The following RGS6 variants were observed in gnomAD, a reference collection of about 807,000 sequenced individuals.
The protein encoded by RGS6 is regulator of G-protein signaling 6.
In RGS6, 30 loss-of-function variants were observed where a neutral mutation model predicts 78.5. The ratio of observed to expected loss-of-function variants is 0.38; its 90% confidence interval spans 0.29 to 0.52. The LOEUF (loss-of-function observed/expected upper bound fraction) is 0.52, where lower values mean the gene tolerates loss of function less well. Among genes scored for constraint, RGS6 ranks in the 20% least tolerant of loss-of-function variants. The pLI is 0.85. For missense variants in RGS6, 495 were observed against 609.7 expected (o/e 0.81, Z 1.98); for synonymous variants, 206 against 206.0 (o/e 1.00, Z 0.00).
At chr14:72,517,237 C>T (rs115091615) in intron 14 of RGS6, among the ~76,000 whole-genome samples, 2,971 of 152,222 alleles carry the variant, frequency 0.02, 43 homozygotes, top group Middle Eastern at 0.058. Context: ...GTTTCAGCTT[C>T]GCTTGTCCCT....
chr14:72,383,079 A>G (rs944419738), intron 3 of RGS6, among the ~76,000 whole-genome samples: 5 of 150,730 alleles, frequency 3.3e-5, no homozygotes, highest in Admixed American at 2.7e-4. Flanking sequence ...TTATACTTTT[A>G]CATATATGCT....
chr14:72,460,436 C>A (rs527841052), intron 6 of RGS6, among the ~76,000 whole-genome samples: 1 of 152,340 alleles, frequency 6.6e-6, no homozygotes, highest in East Asian at 1.9e-4. Context: ...TATGCATTCT[C>A]ATATCTCCAG....
chr14:72,132,749 A>G (rs1373108133), intron 2 of RGS6, among the ~76,000 whole-genome samples: 1 of 151,536 alleles, frequency 6.6e-6, no homozygotes, highest in East Asian at 1.9e-4. Context: ...CACCTGGTCA[A>G]AAGTTTGGAA....
At chr14:72,394,609 C>A (rs1337008820) in intron 3 of RGS6, among the ~76,000 whole-genome samples, 4 of 152,190 alleles carry the variant, frequency 2.6e-5, no homozygotes, top group African/African-American at 9.7e-5. Flanking sequence ...TGGCTCTGTT[C>A]CGCCTGGCTC....
chr14:72,041,945 T>G (rs10144699), intron 2 of RGS6, among the ~76,000 whole-genome samples: 6,516 of 152,222 alleles, frequency 0.043, 460 homozygotes, highest in African/African-American at 0.15. Context: ...TATCTGTTTC[T>G]ATCACTAATG....
Position 72,283,492 on chromosome 14 carries a change from T to C in RGS6, c.85-68603T>C, listed in dbSNP as rs1595276167. Among the ~76,000 whole-genome samples, 5 of 152,274 alleles carry C rather than the reference T, an allele frequency of 3.3e-5. No individual in the cohort carries two copies. In the South Asian group the frequency reaches 1.0e-3, roughly 32 times the overall value. On this transcript the variant is annotated intron_variant, in intron 2 of 17. Coordinates refer to ENST00000553525, the MANE Select transcript of RGS6 (RefSeq NM_001204424.2). ...TACTGTTCTCATGGTAGTGAATAAA[T>C]ATCATGAGATCTGATAGTTTTATAA... is the stretch of plus-strand genomic sequence containing the variant.
intron 12 of RGS6, among the ~76,000 whole-genome samples, chr14:72,493,780 C>A (rs1381883087): frequency 1.3e-5 from 2 of 149,628 alleles, no homozygotes; most frequent in Non-Finnish European, 3.0e-5. Flanking sequence ...AAAAAAAAAA[C>A]ATGGAGTGAT....
intron 2 of RGS6, among the ~76,000 whole-genome samples, chr14:72,008,315 T>C (rs529555289): frequency 6.6e-6 from 1 of 152,310 alleles, no homozygotes; most frequent in Admixed American, 6.5e-5. Context: ...TGTCAGAGAC[T>C]ACACCCAAGA....
chr14:72,338,176 T>A (rs566318447), intron 2 of RGS6, among the ~76,000 whole-genome samples: 1 of 152,296 alleles, frequency 6.6e-6, no homozygotes, highest in East Asian at 1.9e-4. Context: ...AAGATAAGGC[T>A]GCTCTGAGAA....
chr14:72,579,705 G>T, the RGS6 span, among the ~76,000 whole-genome samples: 1 of 152,196 alleles, frequency 6.6e-6, no homozygotes, highest in African/African-American at 2.4e-5. Flanking sequence ...GGACAGCAAA[G>T]GGTGTTGGCC....
At chr14:72,238,358 C>CT (rs1438189751) in intron 2 of RGS6, among the ~76,000 whole-genome samples, 1 of 152,110 alleles carries the variant, frequency 6.6e-6, no homozygotes, top group African/African-American at 2.4e-5. Flanking sequence ...GGTTTCCAGG[C>CT]TTGAGGGTGG....
chr14:72,258,480 A>G (rs1170923122), intron 2 of RGS6, among the ~76,000 whole-genome samples: 5 of 152,314 alleles, frequency 3.3e-5, no homozygotes, highest in African/African-American at 9.6e-5. Flanking sequence ...CCCCTTTACA[A>G]TGCTGTGACT....
intron 2 of RGS6, among the ~76,000 whole-genome samples, chr14:72,212,659 G>T (rs1233926754): frequency 1.3e-5 from 2 of 152,122 alleles, no homozygotes; most frequent in Non-Finnish European, 2.9e-5. Context: ...GTATGTGTTT[G>T]TCACTATTAT....
intron 2 of RGS6, among the ~76,000 whole-genome samples, chr14:72,112,676 C>G (rs574216502): frequency 6.6e-6 from 1 of 152,296 alleles, no homozygotes; most frequent in East Asian, 1.9e-4. Context: ...TGAGGAATGT[C>G]ATCACCATTT....
the RGS6 span, among the ~76,000 whole-genome samples, chr14:71,927,122 G>A: frequency 3.3e-5 from 5 of 152,272 alleles, no homozygotes; most frequent in Admixed American, 6.5e-5. Context: ...AAAGAAGCTC[G>A]GTCCAAACAA....
chr14:72,157,915 C>T (rs1424006178), intron 2 of RGS6, among the ~76,000 whole-genome samples: 1 of 151,942 alleles, frequency 6.6e-6, no homozygotes, highest in African/African-American at 2.4e-5. Context: ...CATAGGTATA[C>T]ATGTGCCATG....
At chr14:72,473,480 G>T (rs1014677704) in intron 9 of RGS6, among the ~76,000 whole-genome samples, 1 of 152,136 alleles carries the variant, frequency 6.6e-6, no homozygotes, top group Non-Finnish European at 1.5e-5. Flanking sequence ...TGAAAATATG[G>T]AATTGCAAAT....
intron 2 of RGS6, among the ~76,000 whole-genome samples, chr14:72,093,259 C>T (rs1185245722): frequency 1.3e-5 from 2 of 151,948 alleles, no homozygotes; most frequent in East Asian, 1.9e-4. Flanking sequence ...TTTATTTTAT[C>T]GAGACAGGAT....
intron 2 of RGS6, among the ~76,000 whole-genome samples, chr14:72,323,800 CAAAAAAAAAAAAAAAAAAAAAA>C (rs58303649): frequency 4.2e-3 from 70 of 16,820 alleles, no homozygotes; most frequent in Middle Eastern, 0.083. Flanking sequence ...GACTCCATCT[CAAAAAAAAAAAAAAAAAAAAAA>C]AAAAAAAAAA....
Sources: gnomAD v4.1 joint callset for allele counts (sites outside exome capture counted in the v4.1 genomes callset) on GRCh38, gnomAD v4.1.1 for gene constraint, MANE v1.5 for transcripts, NCBI Gene and HGNC (gene_info 2026-07-23, HGNC 2026-07-21) for gene names.